Variants in RAPGEF2 observed in about 807,000 individuals in gnomAD.
RAPGEF2 encodes the protein PDZ domain containing guanine nucleotide exchange factor (GEF) 1.
In RAPGEF2, 54 loss-of-function variants were observed where a neutral mutation model predicts 186.7. The observed-to-expected ratio is 0.29, with a 90% CI of 0.23 to 0.36. The LOEUF (loss-of-function observed/expected upper bound fraction) is 0.36, where lower values mean the gene tolerates loss of function less well. Ranked by LOEUF, RAPGEF2 falls within the 10% of genes least tolerant of loss-of-function variation. The pLI, the probability that RAPGEF2 is intolerant of heterozygous loss-of-function variation, is 1.00. For missense variants in RAPGEF2, 1,532 were observed against 2,045.0 expected (o/e 0.75, Z 4.84); for synonymous variants, 712 against 705.9 (o/e 1.01, Z -0.14).
intron 7 of RAPGEF2, among the ~76,000 whole-genome samples, chr4:159,255,054 T>TA (rs1394019775): frequency 6.6e-6 from 1 of 152,212 alleles, no homozygotes; most frequent in Non-Finnish European, 1.5e-5. Context: ...ACTATTGTAT[T>TA]ACAGTTGTCT....
rs758554222 is a variant in RAPGEF2 at position 159,339,127 on chromosome 4, A to C, written c.2307A>C (p.Gln769His). ...DFSATPDLPD[Q>H]VLRVFKADQQ... Reference sequence around the variant, plus strand: ...TCTTTCCCCCAGACTTGCCAGATCAAGTGCTAAGGGTTTTTAAGGCTGATC... The same window carrying C: ...TCTTTCCCCCAGACTTGCCAGATCACGTGCTAAGGGTTTTTAAGGCTGATC... The change falls in exon 19 of 30, where the codon CAA becomes CAC. Residue 769 changes from glutamine (Q) to histidine (H), a missense_variant. Gln to His is a conservative substitution (Grantham distance 24, BLOSUM62 0). Coordinates refer to ENST00000691494, the MANE Select transcript of RAPGEF2 (RefSeq NM_001394067.2). 5.6e-5 allele frequency: 90 copies of C among 1,612,964 alleles called. No homozygotes were observed. Among genetic ancestry groups the C allele is most frequent in the Non-Finnish European group, 7.2e-5 (85 of 1,179,282 alleles).
intron 1 of RAPGEF2, among the ~76,000 whole-genome samples, chr4:159,173,218 G>A (rs866793515): frequency 9.9e-5 from 15 of 152,136 alleles, no homozygotes; most frequent in African/African-American, 3.6e-4. Context: ...TGGCTACAAT[G>A]AAATTTTCTA....
chr4:159,352,656 T>C (rs767417407), intron 26 of RAPGEF2, 29 bp from the exon 27 acceptor site: 2 of 1,543,706 alleles, frequency 1.3e-6, no homozygotes, highest in South Asian at 2.2e-5. Flanking sequence ...CTAGAGAGTC[T>C]AATTAATACG....
intron 1 of RAPGEF2, 31 bp downstream of exon 1, chr4:159,104,262 C>G (rs770431827): frequency 3.0e-5 from 35 of 1,156,018 alleles, no homozygotes; most frequent in Non-Finnish European, 3.6e-5. Context: ...TGCCCTTGGC[C>G]GGATTTCTGC....
chr4:159,188,945 C>T (rs966367362), intron 2 of RAPGEF2, among the ~76,000 whole-genome samples: 1 of 152,134 alleles, frequency 6.6e-6, no homozygotes, highest in Admixed American at 6.5e-5. Context: ...AAAACATCAC[C>T]TTAAACTAAT....
At chr4:159,197,996 C>CGGT (rs1209836844) in intron 3 of RAPGEF2, among the ~76,000 whole-genome samples, 1 of 152,156 alleles carries the variant, frequency 6.6e-6, no homozygotes, top group East Asian at 1.9e-4. Context: ...GTAAGCCTGA[C>CGGT]CCTAAGCGTG....
At chr4:159,163,093 T>C (rs1257613722) in intron 1 of RAPGEF2, among the ~76,000 whole-genome samples, 5 of 152,218 alleles carry the variant, frequency 3.3e-5, no homozygotes, top group Admixed American at 3.3e-4. Context: ...TGTTTCTTTT[T>C]GTATCATACT....
At chr4:159,119,238 TA>T (rs1363863476) in intron 1 of RAPGEF2, among the ~76,000 whole-genome samples, 1 of 152,176 alleles carries the variant, frequency 6.6e-6, no homozygotes, top group Non-Finnish European at 1.5e-5. Flanking sequence ...CTGAGTCTTC[TA>T]TTTAGCAAGC....
intron 1 of RAPGEF2, among the ~76,000 whole-genome samples, chr4:159,157,139 T>C (rs1561022946): frequency 1.3e-5 from 2 of 152,184 alleles, no homozygotes; most frequent in Admixed American, 1.3e-4. Context: ...GAAAAGATAC[T>C]GCCCAATTGC....
intron 1 of RAPGEF2, among the ~76,000 whole-genome samples, chr4:159,169,394 G>C (rs1745665932): frequency 6.6e-6 from 1 of 152,200 alleles, no homozygotes; most frequent in African/African-American, 2.4e-5. Flanking sequence ...TTGTGGAATA[G>C]CCAAATTGAG....
At chr4:159,322,085 A>G (rs1423950126) in intron 9 of RAPGEF2, among the ~76,000 whole-genome samples, 9 of 152,334 alleles carry the variant, frequency 5.9e-5, no homozygotes, top group South Asian at 2.1e-4. Flanking sequence ...GAAGTTTAGT[A>G]ATGTCTTTAG....
intron 1 of RAPGEF2, among the ~76,000 whole-genome samples, chr4:159,152,601 CT>C (rs1554000861): frequency 6.6e-6 from 1 of 152,042 alleles, no homozygotes; most frequent in Non-Finnish European, 1.5e-5. Context: ...TGAGTTTCCC[CT>C]GTTAAAAACT....
chr4:159,349,881 A>G (rs1176370589), intron 25 of RAPGEF2, among the ~76,000 whole-genome samples: 1 of 152,184 alleles, frequency 6.6e-6, no homozygotes, highest in Non-Finnish European at 1.5e-5. Context: ...TTAGAATCTA[A>G]CGTAAAATAT....
chr4:159,157,216 T>G (rs1744222808), intron 1 of RAPGEF2, among the ~76,000 whole-genome samples: 1 of 152,140 alleles, frequency 6.6e-6, no homozygotes, highest in Admixed American at 6.5e-5. Flanking sequence ...CCATTAACCA[T>G]GAAGTTAGGA....
At chr4:159,116,083 A>G (rs914168183) in intron 1 of RAPGEF2, among the ~76,000 whole-genome samples, 2 of 152,246 alleles carry the variant, frequency 1.3e-5, no homozygotes, top group African/African-American at 4.8e-5. Context: ...AACAATTGAC[A>G]AATAGGATCT....
At chr4:159,219,751 G>T (rs1335919407) in intron 4 of RAPGEF2, among the ~76,000 whole-genome samples, 1 of 152,166 alleles carries the variant, frequency 6.6e-6, no homozygotes, top group Non-Finnish European at 1.5e-5. Context: ...CATTACTCCA[G>T]GTTATTAGTC....
chr4:159,287,078 T>G (rs1276609624), intron 7 of RAPGEF2, among the ~76,000 whole-genome samples: 6 of 152,174 alleles, frequency 3.9e-5, no homozygotes, highest in African/African-American at 1.4e-4. Context: ...AACATGTCAG[T>G]AAGCTTAGAA....
chr4:159,227,497 A>G (rs1441294920), intron 4 of RAPGEF2, among the ~76,000 whole-genome samples: 1 of 152,236 alleles, frequency 6.6e-6, no homozygotes, highest in African/African-American at 2.4e-5. Context: ...AAAAGCTGTT[A>G]TGGACCATAA....
At position 159,158,840 on chromosome 4, in the gene RAPGEF2, C is replaced by CA. The variant is rs1311849990; in HGVS notation, c.70-27802_70-27801insA. ...GGAACCAGAAATTATCATTGACAAC[C>CA]TCGCTAGAGGCCCTTACTCAAGTTT... On this transcript the variant is annotated intron_variant, in intron 1 of 29. Coordinates refer to ENST00000691494, the MANE Select transcript of RAPGEF2 (RefSeq NM_001394067.2). 2.0e-5 allele frequency among the ~76,000 whole-genome samples: 3 copies of CA among 152,172 alleles called. No individual in the cohort carries two copies. In the East Asian group the frequency reaches 5.8e-4, roughly 29 times the overall value.
Sources: gnomAD v4.1 joint callset for allele counts (sites outside exome capture counted in the v4.1 genomes callset) on GRCh38, gnomAD v4.1.1 for gene constraint, MANE v1.5 for transcripts, NCBI Gene and HGNC (gene_info 2026-07-23, HGNC 2026-07-21) for gene names.